Variants in ACVR1 observed in about 807,000 individuals in gnomAD.
ACVR1 encodes activin receptor type-1.
In ACVR1, 38 loss-of-function variants were observed where a neutral mutation model predicts 57.1. That is an observed-to-expected ratio of 0.67 (90% CI 0.51 to 0.87). The LOEUF (loss-of-function observed/expected upper bound fraction) is 0.87, where lower values mean the gene tolerates loss of function less well. Among genes scored for constraint, ACVR1 ranks in the 40% least tolerant of loss-of-function variants. The pLI is 0.00. For synonymous variants in ACVR1, 212 were observed against 228.1 expected, an observed-to-expected ratio of 0.93 and a Z score of 0.63; for missense variants, 463 against 638.2, an observed-to-expected ratio of 0.73 and a Z score of 2.96.
At chr2:157,755,367 G>C (rs1161749101) in intron 9 of ACVR1, among the ~76,000 whole-genome samples, 1 of 151,978 alleles carries the variant, frequency 6.6e-6, no homozygotes, top group African/African-American at 2.4e-5. Context: ...AAACCCTAAA[G>C]ACTCCTCCAA....
chr2:157,793,202 A>C (rs1424134796), intron 3 of ACVR1, among the ~76,000 whole-genome samples: 1 of 152,176 alleles, frequency 6.6e-6, no homozygotes, highest in Non-Finnish European at 1.5e-5. Context: ...AAGTGACTGC[A>C]CTGCACACTG....
At chr2:157,800,488 TAA>T (rs5835679) in intron 2 of ACVR1, among the ~76,000 whole-genome samples, 24 of 151,660 alleles carry the variant, frequency 1.6e-4, no homozygotes, top group African/African-American at 5.1e-4. Flanking sequence ...TTTTTAAAAT[TAA>T]AAAAAAATCA....
At chr2:157,870,359 A>G (rs1690077886) in intron 1 of ACVR1, among the ~76,000 whole-genome samples, 1 of 152,228 alleles carries the variant, frequency 6.6e-6, no homozygotes, top group Non-Finnish European at 1.5e-5. Context: ...TGGCATGGTG[A>G]TATTAATAGC....
At chr2:157,812,419 T>TA (rs998433983) in intron 2 of ACVR1, among the ~76,000 whole-genome samples, 1 of 151,718 alleles carries the variant, frequency 6.6e-6, no homozygotes, top group Non-Finnish European at 1.5e-5. Context: ...ATGGACCCAT[T>TA]AAAAAAAAGG....
intron 4 of ACVR1, among the ~76,000 whole-genome samples, chr2:157,779,381 C>G (rs549758946): frequency 6.6e-6 from 1 of 152,220 alleles, no homozygotes; most frequent in East Asian, 1.9e-4. Flanking sequence ...CCTTTAAAAC[C>G]CTCTTTGATT....
At chr2:157,859,368 A>ACC (rs1271938304) in intron 1 of ACVR1, among the ~76,000 whole-genome samples, 1 of 152,082 alleles carries the variant, frequency 6.6e-6, no homozygotes, top group Non-Finnish European at 1.5e-5. Context: ...TCAATAATCC[A>ACC]CCCCTTGTTT....
chr2:157,784,581 C>T (rs907689236), intron 3 of ACVR1, among the ~76,000 whole-genome samples: 2 of 152,238 alleles, frequency 1.3e-5, no homozygotes, highest in African/African-American at 4.8e-5. Flanking sequence ...GCTGGCACTG[C>T]GTGCCCTTTG....
chr2:157,765,436 G>A lies in ACVR1; in HGVS notation c.1066+485C>T, dbSNP rs1239966021. On this transcript the variant is annotated intron_variant, in intron 8 of 10. Coordinates refer to ENST00000434821, the MANE Select transcript of ACVR1 (RefSeq NM_001111067.4). ...TACTTCTGAGGTGGGGTGTGGCAGG[G>A]ACTGACTGAATGAGCCTGAGGTAAC... Among the ~76,000 whole-genome samples the A allele has an allele frequency of 3.9e-5, 6 of 152,284 alleles. No individual in the cohort carries two copies. The East Asian group carries it at 9.6e-4, about 24-fold the overall frequency.
chr2:157,791,986 A>G (rs1358396436), intron 3 of ACVR1, among the ~76,000 whole-genome samples: 1 of 152,180 alleles, frequency 6.6e-6, no homozygotes. Flanking sequence ...ACTTTTCTGA[A>G]TGAATCTGTT....
intron 2 of ACVR1, among the ~76,000 whole-genome samples, chr2:157,803,049 C>A (rs1687384274): frequency 1.3e-5 from 2 of 151,914 alleles, no homozygotes; most frequent in African/African-American, 2.4e-5. Flanking sequence ...TAACTTTAAT[C>A]TGTAGAATTT....
At chr2:157,804,075 T>G (rs1466746268) in intron 2 of ACVR1, among the ~76,000 whole-genome samples, 2 of 152,188 alleles carry the variant, frequency 1.3e-5, no homozygotes, top group Non-Finnish European at 2.9e-5. Flanking sequence ...GGCTGAACTA[T>G]ATATAGAAAA....
chr2:157,819,733 G>A (rs1442342629), intron 1 of ACVR1, among the ~76,000 whole-genome samples: 2 of 142,396 alleles, frequency 1.4e-5, no homozygotes, highest in Non-Finnish European at 2.9e-5. Flanking sequence ...CAAAGCGGAA[G>A]GGAAGAGGAG....
chr2:157,855,246 G>A lies in ACVR1; in HGVS notation c.-183+20550C>T, dbSNP rs1293881253. Among the ~76,000 whole-genome samples, 18 of 128,294 alleles carry A rather than the reference G, an allele frequency of 1.4e-4. 1 individual carries two copies. Among genetic ancestry groups the A allele is most frequent in the Admixed American group, 1.1e-3 (13 of 11,994 alleles). The allele number at this position is 128,294 out of a possible 152,430, so 84.2% of individuals were successfully genotyped here. A position where few individuals can be genotyped will look rare whatever the true frequency, so the allele number is the denominator to read the frequency against. On this transcript the variant is annotated intron_variant, in intron 1 of 10. Transcript: ENST00000434821. ...AGCCTGGGCAACATGGTGAAACCTC[G>A]TCTCTTAAAAAAAAAAAAAAAAAGT... is the stretch of plus-strand genomic sequence containing the variant.
At chr2:157,741,920 G>A (rs1216383221) in intron 9 of ACVR1, among the ~76,000 whole-genome samples, 1 of 152,144 alleles carries the variant, frequency 6.6e-6, no homozygotes, top group African/African-American at 2.4e-5. Context: ...AGGCAGAAAA[G>A]ATGACAGGGA....
rs564167983 is a variant in ACVR1, at chr2:157,788,046, C to G, written c.68-7446G>C. Among the ~76,000 whole-genome samples the G allele has an allele frequency of 3.3e-5, 5 of 152,278 alleles. No individual in the cohort carries two copies. The East Asian group carries it at 9.6e-4, about 29-fold the overall frequency. ...CAAACCCTTCAAAAGTTAAGCAGGG[C>G]TCCAATTTGTTTAACAAGTCTTGAA... On this transcript the variant is annotated intron_variant, in intron 3 of 10. Coordinates refer to ENST00000434821, the MANE Select transcript of ACVR1 (RefSeq NM_001111067.4).
chr2:157,810,229 C>A (rs1687704395), intron 2 of ACVR1, among the ~76,000 whole-genome samples: 1 of 152,174 alleles, frequency 6.6e-6, no homozygotes, highest in Non-Finnish European at 1.5e-5. Context: ...TTCCAATAGT[C>A]CAAAAGTATA....
intron 9 of ACVR1, among the ~76,000 whole-genome samples, chr2:157,759,186 T>A (rs921081354): frequency 6.6e-6 from 1 of 151,896 alleles, no homozygotes; most frequent in African/African-American, 2.4e-5. Context: ...TACAAAGGAT[T>A]AATGAAATAA....
intron 3 of ACVR1, among the ~76,000 whole-genome samples, chr2:157,787,500 G>C (rs1024321860): frequency 2.0e-5 from 3 of 152,184 alleles, no homozygotes; most frequent in Non-Finnish European, 4.4e-5. Context: ...TAGTTATAGG[G>C]AGAGTAACAG....
chr2:157,863,057 T>A (rs1323431788), intron 1 of ACVR1, among the ~76,000 whole-genome samples: 1 of 118,592 alleles, frequency 8.4e-6, no homozygotes, highest in Non-Finnish European at 1.6e-5. Context: ...AGTCTCACTC[T>A]GTCACCCAGG....
Sources: allele counts gnomAD v4.1 joint callset (sites outside exome capture counted in the v4.1 genomes callset), GRCh38; gene constraint gnomAD v4.1.1; transcripts MANE v1.5; gene names NCBI Gene and HGNC (gene_info 2026-07-23, HGNC 2026-07-21).